Variants in MAGI1 observed in about 807,000 individuals in gnomAD.
MAGI1 encodes the protein membrane-associated guanylate kinase, WW and PDZ domain-containing protein 1.
MAGI1 carries 58 observed loss-of-function variants against 139.9 expected under a neutral mutation model. That is an observed-to-expected ratio of 0.41 (90% CI 0.34 to 0.52). The LOEUF is 0.52. Ranked by LOEUF, MAGI1 falls within the 20% of genes least tolerant of loss-of-function variation. The pLI is 0.12. For synonymous variants in MAGI1, 812 were observed against 737.9 expected, an observed-to-expected ratio of 1.10 and a Z score of -1.63; for missense variants, 1,874 against 1,901.6, an observed-to-expected ratio of 0.99 and a Z score of 0.27.
chr3:65,810,753 C>G (rs541105985), intron 1 of MAGI1, among the ~76,000 whole-genome samples: 2 of 152,318 alleles, frequency 1.3e-5, no homozygotes, highest in East Asian at 3.9e-4. Context: ...AATCCCTCCC[C>G]AGGTCTACTG....
At chr3:65,541,731 T>C (rs868845071) in intron 2 of MAGI1, among the ~76,000 whole-genome samples, 4 of 152,108 alleles carry the variant, frequency 2.6e-5, no homozygotes, top group Admixed American at 6.6e-5. Context: ...CCCTTCATAC[T>C]AAAAATTCTC....
chr3:65,717,025 C>T (rs1478614791), intron 1 of MAGI1, among the ~76,000 whole-genome samples: 1 of 152,028 alleles, frequency 6.6e-6, no homozygotes, highest in Non-Finnish European at 1.5e-5. Flanking sequence ...GTGACTTTGC[C>T]GATATGATTA....
At chr3:65,552,259 GGTGTGTGTGTGTGTGT>G (rs10576104) in intron 2 of MAGI1, among the ~76,000 whole-genome samples, 4 of 148,044 alleles carry the variant, frequency 2.7e-5, no homozygotes, top group South Asian at 4.3e-4. Context: ...TGTGTATAGG[GGTGTGTGTGTGTGTGT>G]GTGTGTGTGT....
At chr3:66,036,124 C>A (rs1431106100) in intron 1 of MAGI1, among the ~76,000 whole-genome samples, 1 of 152,212 alleles carries the variant, frequency 6.6e-6, no homozygotes, top group Non-Finnish European at 1.5e-5. Flanking sequence ...AGTATTTTCT[C>A]TACAGCCCTA....
chr3:65,435,636 G>T (rs2107379164), intron 10 of MAGI1, among the ~76,000 whole-genome samples: 1 of 152,238 alleles, frequency 6.6e-6, no homozygotes, highest in African/African-American at 2.4e-5. Flanking sequence ...GCCTCCATGG[G>T]ATTTAAAGTC....
At position 65,888,069 on chromosome 3, in the gene MAGI1, A is replaced by G. The variant is rs1163553085; in HGVS notation, c.313+149927T>C. Among the ~76,000 whole-genome samples the G allele has an allele frequency of 2.6e-5, 4 of 152,258 alleles. No homozygotes were observed. The East Asian group carries it at 7.7e-4, about 29-fold the overall frequency. On this transcript the variant is annotated intron_variant, in intron 1 of 22. Coordinates refer to ENST00000402939, the MANE Select transcript of MAGI1 (RefSeq NM_001033057.2). ...GATTTTTTGAGATCAGCAAAACCCAATCTTTATAAAAGGTGCCCAGTTGAT... is the reference window on the plus strand; with the variant it reads ...GATTTTTTGAGATCAGCAAAACCCAGTCTTTATAAAAGGTGCCCAGTTGAT...
chr3:65,601,262 G>GT (rs1559709235), intron 2 of MAGI1, among the ~76,000 whole-genome samples: 1 of 152,102 alleles, frequency 6.6e-6, no homozygotes. Context: ...GGGTTTTATA[G>GT]TTTGTTTGTT....
At chr3:65,754,997 A>G (rs2036449486) in intron 1 of MAGI1, among the ~76,000 whole-genome samples, 1 of 151,806 alleles carries the variant, frequency 6.6e-6, no homozygotes, top group African/African-American at 2.4e-5. Flanking sequence ...TCTGTCACCA[A>G]GGCTGGAGTG....
intron 1 of MAGI1, among the ~76,000 whole-genome samples, chr3:65,655,589 A>G (rs2085829118): frequency 6.6e-6 from 1 of 152,180 alleles, no homozygotes; most frequent in Admixed American, 6.5e-5. Context: ...CATCACCATG[A>G]TAAGTACAAT....
At chr3:65,664,084 C>T (rs556198910) in intron 1 of MAGI1, among the ~76,000 whole-genome samples, 1 of 152,246 alleles carries the variant, frequency 6.6e-6, no homozygotes, top group Admixed American at 6.5e-5. Context: ...TGGTAGGCTA[C>T]ATTCATACTG....
chr3:65,539,127 A>G (rs1040283551), intron 2 of MAGI1, among the ~76,000 whole-genome samples: 9 of 152,192 alleles, frequency 5.9e-5, no homozygotes, highest in Non-Finnish European at 1.0e-4. Context: ...ACTACCGTCA[A>G]ACAGACACAT....
chr3:65,418,662 T>C (rs1198021914), intron 12 of MAGI1, among the ~76,000 whole-genome samples: 2 of 152,098 alleles, frequency 1.3e-5, no homozygotes, highest in Non-Finnish European at 2.9e-5. Context: ...TCCCTATCCA[T>C]ACACAAGAAC....
chr3:65,863,473 C>T (rs537685211), intron 1 of MAGI1, among the ~76,000 whole-genome samples: 11 of 152,172 alleles, frequency 7.2e-5, no homozygotes, highest in South Asian at 2.1e-4. Flanking sequence ...GCACATTCCA[C>T]GTATCATTAA....
intron 1 of MAGI1, among the ~76,000 whole-genome samples, chr3:65,913,410 G>C (rs184863264): frequency 2.8e-4 from 42 of 152,234 alleles, no homozygotes; most frequent in Non-Finnish European, 5.3e-4. Context: ...CCAAAACATG[G>C]TTCAATGCTT....
intron 1 of MAGI1, among the ~76,000 whole-genome samples, chr3:65,843,712 GTA>G (rs1330561791): frequency 1.3e-5 from 2 of 152,142 alleles, no homozygotes; most frequent in Non-Finnish European, 2.9e-5. Context: ...GACTTAAACA[GTA>G]TGGACTGTTT....
chr3:65,634,860 T>A (rs940067460), intron 1 of MAGI1, among the ~76,000 whole-genome samples: 2 of 152,178 alleles, frequency 1.3e-5, no homozygotes, highest in Non-Finnish European at 2.9e-5. Context: ...GAAAATGTCA[T>A]CATTTTGTGG....
intron 1 of MAGI1, among the ~76,000 whole-genome samples, chr3:65,951,508 G>A (rs917268387): frequency 6.6e-6 from 1 of 152,266 alleles, no homozygotes. Context: ...TTCAAAGACA[G>A]TATGAAAAAC....
intron 10 of MAGI1, among the ~76,000 whole-genome samples, chr3:65,436,800 G>C (rs141645284): frequency 6.6e-6 from 1 of 152,064 alleles, no homozygotes; most frequent in East Asian, 1.9e-4. Context: ...GTGTGCTACT[G>C]GCATCTAGTG....
intron 1 of MAGI1, among the ~76,000 whole-genome samples, chr3:65,822,238 T>C (rs2041987548): frequency 6.6e-6 from 1 of 152,188 alleles, no homozygotes; most frequent in South Asian, 2.1e-4. Context: ...AAAAGACCAA[T>C]TGTATTAGAC....
Sources: gnomAD v4.1 joint callset for allele counts (sites outside exome capture counted in the v4.1 genomes callset) on GRCh38, gnomAD v4.1.1 for gene constraint, MANE v1.5 for transcripts, NCBI Gene and HGNC (gene_info 2026-07-23, HGNC 2026-07-21) for gene names.